The following NME7 variants were observed in gnomAD, a reference collection of about 807,000 sequenced individuals.
NME7 encodes nucleoside diphosphate kinase 7.
In NME7, 41 loss-of-function variants were observed where a neutral mutation model predicts 49.1. The observed-to-expected ratio is 0.83, with a 90% confidence interval of 0.65 to 1.08. The LOEUF is 1.08. Ranked by LOEUF, NME7 falls within the 50% of genes least tolerant of loss-of-function variation. The pLI is 0.00. For synonymous variants in NME7, 139 were observed against 150.6 expected, an observed-to-expected ratio of 0.92 and a Z score of 0.56; for missense variants, 423 against 463.4, an observed-to-expected ratio of 0.91 and a Z score of 0.80.
At chr1:169,250,752 ATTGT>A (rs1391746906) in intron 7 of NME7, among the ~76,000 whole-genome samples, 1 of 152,000 alleles carries the variant, frequency 6.6e-6, no homozygotes, top group Non-Finnish European at 1.5e-5. Flanking sequence ...CCAGGAGCAG[ATTGT>A]TTAATTTCTA....
At chr1:169,230,630 A>T in intron 10 of NME7, 88 bp downstream of exon 10, 1 of 607,566 alleles carries the variant, frequency 1.6e-6, no homozygotes, top group Non-Finnish European at 2.7e-6. Context: ...TACATTATTT[A>T]CTTAAAGGAA....
intron 7 of NME7, among the ~76,000 whole-genome samples, chr1:169,252,409 T>C (rs1201067593): frequency 6.6e-6 from 1 of 151,980 alleles, no homozygotes; most frequent in Non-Finnish European, 1.5e-5. Context: ...GATGGGGTTG[T>C]TTGTTTTTTT....
chr1:169,292,153 T>A lies in NME7; in HGVS notation c.649-4745A>T, dbSNP rs549969478. Among the ~76,000 whole-genome samples, 4 of 152,304 alleles carry A rather than the reference T, an allele frequency of 2.6e-5. No individual in the cohort carries two copies. The East Asian group carries it at 7.7e-4, about 29-fold the overall frequency. Reference sequence around the variant, plus strand: ...ATGTCTAAAGAATAACAAATTGTGATCATACCTTGCACCTTACATAAAAAT... The same window carrying A: ...ATGTCTAAAGAATAACAAATTGTGAACATACCTTGCACCTTACATAAAAAT... On this transcript the variant is annotated intron_variant, in intron 6 of 11. Coordinates refer to ENST00000367811, the MANE Select transcript of NME7 (RefSeq NM_013330.5).
At chr1:169,324,353 C>A in intron 2 of NME7, 40 bp downstream of exon 2, 1 of 1,292,518 alleles carries the variant, frequency 7.7e-7, no homozygotes. Context: ...CCCATGTTCA[C>A]CCCCTTTGCC....
chr1:169,138,329 T>TA (rs574746696), intron 11 of NME7, among the ~76,000 whole-genome samples: 15 of 150,706 alleles, frequency 1.0e-4, no homozygotes, highest in African/African-American at 1.7e-4. Flanking sequence ...TAAATAAAAA[T>TA]AAAAAAAAGA....
chr1:169,282,373 A>G (rs1422257256), intron 7 of NME7, among the ~76,000 whole-genome samples: 1 of 151,912 alleles, frequency 6.6e-6, no homozygotes, highest in Non-Finnish European at 1.5e-5. Flanking sequence ...CAGTCTATCT[A>G]TTTTGATGAT....
intron 6 of NME7, among the ~76,000 whole-genome samples, chr1:169,292,279 T>C (rs955666251): frequency 1.3e-5 from 2 of 152,140 alleles, no homozygotes; most frequent in Admixed American, 1.3e-4. Flanking sequence ...GGGAACAGTT[T>C]GTTAGACTTG....
At chr1:169,287,480 G>T in intron 6 of NME7, 72 bp from the exon 7 acceptor site, 1 of 1,073,450 alleles carries the variant, frequency 9.3e-7, no homozygotes, top group Non-Finnish European at 1.3e-6. Flanking sequence ...TTCTGTGGGG[G>T]AGGAGAATCA....
intron 1 of NME7, among the ~76,000 whole-genome samples, chr1:169,356,142 G>A (rs1653460719): frequency 6.6e-6 from 1 of 152,076 alleles, no homozygotes; most frequent in African/African-American, 2.4e-5. Flanking sequence ...TTGGATGTTT[G>A]TGCCTTTCTG....
intron 9 of NME7, among the ~76,000 whole-genome samples, chr1:169,234,032 A>G (rs947049207): frequency 6.6e-6 from 1 of 152,074 alleles, no homozygotes. Context: ...CACTGAAAAT[A>G]GACATACAAG....
intron 10 of NME7, among the ~76,000 whole-genome samples, chr1:169,187,206 G>A (rs1363915579): frequency 6.6e-6 from 1 of 152,044 alleles, no homozygotes; most frequent in Non-Finnish European, 1.5e-5. Context: ...TAAGTGCGAT[G>A]TGGGTGCTGA....
In NME7 at chr1:169,276,598, C is replaced by T. The variant is rs1476245870; in HGVS notation, c.754+10705G>A. ...TCTCTTTTTTTCTTTATTAGTCTTG[C>T]TAGCGGTCTATCAATTTTGCTGATC... On this transcript the variant is annotated intron_variant, in intron 7 of 11. Coordinates refer to ENST00000367811, the MANE Select transcript of NME7 (RefSeq NM_013330.5). Among the ~76,000 whole-genome samples the T allele has an allele frequency of 6.8e-5, 9 of 131,806 alleles. 1 individual carries two copies. The highest frequency in any genetic ancestry group is 3.0e-4 in the Admixed American group (4 of 13,280). 86.5% of individuals were successfully genotyped at this position (131,806 alleles called of 152,430 possible).
chr1:169,207,847 T>C (rs1236748310), intron 10 of NME7, among the ~76,000 whole-genome samples: 1 of 152,036 alleles, frequency 6.6e-6, no homozygotes. Context: ...AACAAAATAA[T>C]GAAGGCTAGA....
intron 10 of NME7, among the ~76,000 whole-genome samples, chr1:169,184,219 T>C (rs980523140): frequency 9.2e-5 from 14 of 152,118 alleles, no homozygotes; most frequent in Non-Finnish European, 4.4e-5. Flanking sequence ...CCTGCAAACG[T>C]AGTGTTCAGA....
At chr1:169,336,702 C>T (rs1652490964) in intron 1 of NME7, among the ~76,000 whole-genome samples, 1 of 151,324 alleles carries the variant, frequency 6.6e-6, no homozygotes, top group Non-Finnish European at 1.5e-5. Context: ...TTCTCCAAGG[C>T]CCCACAAGAG....
At chr1:169,346,222 T>C (rs1652946597) in intron 1 of NME7, among the ~76,000 whole-genome samples, 1 of 152,120 alleles carries the variant, frequency 6.6e-6, no homozygotes, top group South Asian at 2.1e-4. Context: ...TATCACCTCA[T>C]TCCTCTGCTT....
At chr1:169,341,199 G>A (rs549413161) in intron 1 of NME7, among the ~76,000 whole-genome samples, 94 of 152,268 alleles carry the variant, frequency 6.2e-4, no homozygotes, top group African/African-American at 1.9e-3. Context: ...GCCCTGGGGC[G>A]TGACACCCTA....
At chr1:169,271,647 T>C (rs544734639) in intron 7 of NME7, among the ~76,000 whole-genome samples, 2 of 133,700 alleles carry the variant, frequency 1.5e-5, no homozygotes, top group South Asian at 4.6e-4. Context: ...TTAGCTTTGC[T>C]TCATCAACAG....
At chr1:169,332,429 T>C (rs1652292269) in intron 1 of NME7, among the ~76,000 whole-genome samples, 1 of 152,110 alleles carries the variant, frequency 6.6e-6, no homozygotes, top group South Asian at 2.1e-4. Context: ...TCTTGAGCAA[T>C]GCCCCACAAA....
Sources: allele counts gnomAD v4.1 joint callset (sites outside exome capture counted in the v4.1 genomes callset), GRCh38; gene constraint gnomAD v4.1.1; transcripts MANE v1.5; gene names NCBI Gene and HGNC (gene_info 2026-07-23, HGNC 2026-07-21).